Variants in QRSL1 observed in about 807,000 individuals in gnomAD.
QRSL1 encodes glutaminyl-tRNA amidotransferase subunit QRSL1, also known as glutamyl-tRNA(Gln) amidotransferase subunit A, mitochondrial.
A neutral mutation model predicts 61.6 loss-of-function variants in QRSL1; 54 were observed. The ratio of observed to expected loss-of-function variants is 0.88; its 90% CI spans 0.70 to 1.10. QRSL1 has a LOEUF of 1.10. Ranked by LOEUF, QRSL1 falls within the 50% of genes least tolerant of loss-of-function variation. QRSL1 has a pLI of 0.00. For missense variants in QRSL1, 505 were observed against 622.6 expected (o/e 0.81, Z 2.01); for synonymous variants, 228 against 225.7 (o/e 1.01, Z -0.09).
chr6:106,641,871 G>C (rs1314814392), intron 3 of QRSL1, among the ~76,000 whole-genome samples: 1 of 152,126 alleles, frequency 6.6e-6, no homozygotes, highest in Non-Finnish European at 1.5e-5. Context: ...AGAACTAACT[G>C]GTAAAGTCAG....
chr6:106,642,935 T>A, intron 3 of QRSL1, 59 bp from the exon 4 acceptor site: 2 of 1,182,062 alleles, frequency 1.7e-6, no homozygotes, highest in African/African-American at 1.5e-5. Context: ...ATAATAGGTA[T>A]AAACAAATAA....
At position 106,643,054 on chromosome 6, in the gene QRSL1, T is replaced by C. The variant is rs1777047345; in HGVS notation, c.344T>C (p.Leu115Pro). ...VQKLLDQGAL[L>P]MGKTNLDEFA... is the part of the protein sequence containing the mutation. ...AAGTTGTTGGATCAGGGAGCTCTAC[T>C]AATGGGAAAAACAAATTTAGATGAG... is the stretch of plus-strand genomic sequence containing the variant. Residue 115 changes from leucine to proline, a missense_variant, in exon 4 of 11, where the codon CTA becomes CCA. Leu to Pro is a moderately conservative substitution (Grantham distance 98, BLOSUM62 -3). Coordinates refer to ENST00000369046, the MANE Select transcript of QRSL1 (RefSeq NM_018292.5). 1.5e-5 allele frequency: 24 copies of C among 1,613,058 alleles called. No individual in the cohort carries two copies. Among genetic ancestry groups the C allele is most frequent in the Non-Finnish European group, 2.0e-5 (24 of 1,179,434 alleles).
chr6:106,663,049 T>G lies in QRSL1; in HGVS notation c.1230T>G (p.Ala410=). 1 of 1,613,060 alleles carries G rather than the reference T, an allele frequency of 6.2e-7. No individual in the cohort carries two copies. The highest frequency in any genetic ancestry group is 1.3e-5 in the African/African-American group (1 of 75,048). ...RRLIANDFVN[A]FNSGVDVLLT... is the part of the protein sequence containing the mutation. ...TCATTGCTAATGACTTTGTAAATGC[T>G]TTTAACTCTGGAGTAGATGTCTTGC... The change falls in exon 10 of 11, where the codon GCT becomes GCG. Residue 410 remains alanine, a synonymous_variant. Transcript: ENST00000369046.
At chr6:106,645,017 A>G (rs79702953) in intron 4 of QRSL1, among the ~76,000 whole-genome samples, 2,001 of 151,874 alleles carry the variant, frequency 0.013, 57 homozygotes, top group African/African-American at 0.046. Flanking sequence ...TTGTTGAATG[A>G]TCTTAGGTTT....
At chr6:106,652,616 C>T (rs141368884) in intron 7 of QRSL1, 34 bp downstream of exon 7, 14 of 1,613,446 alleles carry the variant, frequency 8.7e-6, no homozygotes, top group African/African-American at 6.7e-5. Flanking sequence ...TACAGAAATA[C>T]TGTCAAGTCC....
Position 106,640,809 on chromosome 6 carries a change from G to T in QRSL1, c.185-14G>T. ...AACTATCTCCTTTATCACTCTTTTG[G>T]CTTTTTAATGCAGGACAGTCACTTG... On this transcript the variant is annotated splice_polypyrimidine_tract_variant and intron_variant, in intron 2 of 10. Transcript: ENST00000369046. The T allele has an allele frequency of 6.3e-7, 1 of 1,597,776 alleles. No homozygotes were observed. The highest frequency in any genetic ancestry group is 1.1e-5 in the South Asian group (1 of 90,086).
intron 1 of QRSL1, among the ~76,000 whole-genome samples, chr6:106,636,893 A>G (rs920508778): frequency 6.6e-6 from 1 of 152,204 alleles, no homozygotes; most frequent in Non-Finnish European, 1.5e-5. Context: ...CTAAGGAGGT[A>G]TATTAGTTGT....
At chr6:106,640,209 A>ACC (rs1200766821) in intron 1 of QRSL1, 140 bp from the exon 2 acceptor site, 2 of 694,748 alleles carry the variant, frequency 2.9e-6, no homozygotes, top group African/African-American at 3.6e-5. Context: ...GTGTAGAGGT[A>ACC]ATAGGTTCTC....
intron 1 of QRSL1, among the ~76,000 whole-genome samples, chr6:106,638,583 C>T (rs976503091): frequency 6.6e-6 from 1 of 152,148 alleles, no homozygotes; most frequent in Non-Finnish European, 1.5e-5. Flanking sequence ...GGATTACAGG[C>T]GCGAACCACT....
intron 1 of QRSL1, among the ~76,000 whole-genome samples, chr6:106,639,111 G>GTGTTTTTTTTT (rs1776967983): frequency 3.3e-5 from 2 of 60,748 alleles, no homozygotes; most frequent in African/African-American, 1.3e-4. Context: ...TTATTTGTGT[G>GTGTTTTTTTTT]TTTTGTTGTT....
chr6:106,652,393 A>G lies in QRSL1; in HGVS notation c.733+9A>G, dbSNP rs779838879. 6.2e-7 allele frequency: 1 copy of G among 1,613,766 alleles called. No individual in the cohort carries two copies. Among genetic ancestry groups the G allele is most frequent in the South Asian group, 1.1e-5 (1 of 91,040 alleles). Reference sequence around the variant, plus strand: ...TGCAGCAATTGTGTTGGGTATTTATATAATTCTATATCATTTGCAACAGCT... The same window carrying G: ...TGCAGCAATTGTGTTGGGTATTTATGTAATTCTATATCATTTGCAACAGCT... On this transcript the variant is annotated intron_variant, in intron 6 of 10. Transcript: ENST00000369046.
At chr6:106,660,310 A>T (rs1182763420) in intron 9 of QRSL1, among the ~76,000 whole-genome samples, 1 of 151,270 alleles carries the variant, frequency 6.6e-6, no homozygotes, top group Non-Finnish European at 1.5e-5. Context: ...AGCTCTTCTC[A>T]GCAACCCTCA....
chr6:106,658,376 G>T (rs1405884391), intron 9 of QRSL1, among the ~76,000 whole-genome samples: 1 of 152,056 alleles, frequency 6.6e-6, no homozygotes, highest in Non-Finnish European at 1.5e-5. Flanking sequence ...AATTTTGAAA[G>T]ATATTTTCTC....
At position 106,666,589 on chromosome 6, in the gene QRSL1, A is replaced by G. The variant is rs1777438205; in HGVS notation, c.*587A>G. The G allele has an allele frequency of 6.5e-6, 1 of 154,304 alleles. No homozygotes were observed. The highest frequency in any genetic ancestry group is 2.0e-4 in the South Asian group (1 of 5,054). The allele number at this position is 154,304 out of a possible 1,614,324, so 9.6% of individuals were successfully genotyped here. A position where few individuals can be genotyped will look rare whatever the true frequency, so the allele number is the denominator to read the frequency against. The stretch of plus-strand genomic sequence containing the variant: ...AATGTTCATTAAAGAGTTTACAGTA[A>G]AAATAAGATTAGGGATAAACTTCTC... On this transcript the variant is annotated 3_prime_UTR_variant, in exon 11 of 11. Coordinates refer to ENST00000369046, the MANE Select transcript of QRSL1 (RefSeq NM_018292.5).
intron 1 of QRSL1, among the ~76,000 whole-genome samples, chr6:106,636,500 T>A (rs1776923324): frequency 6.6e-6 from 1 of 152,094 alleles, no homozygotes; most frequent in Non-Finnish European, 1.5e-5. Context: ...TTTGTATTTT[T>A]AGTAGAGACG....
intron 1 of QRSL1, among the ~76,000 whole-genome samples, chr6:106,635,137 G>C (rs1416984753): frequency 5.3e-5 from 8 of 151,976 alleles, no homozygotes; most frequent in African/African-American, 1.9e-4. Context: ...CCAGAGTGTA[G>C]AAGATAATTA....
Position 106,667,663 on chromosome 6 carries a change from G to A in QRSL1, c.*1661G>A, listed in dbSNP as rs1212697786. On this transcript the variant is annotated 3_prime_UTR_variant, in exon 11 of 11. Transcript: ENST00000369046. Reference sequence around the variant, plus strand: ...TCATAAACAGTTTTCTGTCCTCTCTGAGATCCTCCCGCTCCCAAATACTCA... The same window carrying A: ...TCATAAACAGTTTTCTGTCCTCTCTAAGATCCTCCCGCTCCCAAATACTCA... 3 of 152,042 alleles carry A rather than the reference G, an allele frequency of 2.0e-5. No individual in the cohort carries two copies. The highest frequency in any genetic ancestry group is 4.4e-5 in the Non-Finnish European group (3 of 68,004). 9.4% of individuals were successfully genotyped at this position (152,042 alleles called of 1,614,324 possible).
chr6:106,647,484 G>A (rs918369884), intron 4 of QRSL1, among the ~76,000 whole-genome samples: 5 of 147,982 alleles, frequency 3.4e-5, no homozygotes, highest in Admixed American at 6.7e-5. Context: ...ACTTGAAACC[G>A]GGAGGCGGAG....
Position 106,652,490 on chromosome 6 carries a change from A to T in QRSL1, c.757A>T (p.Arg253Trp). 1 of 1,614,232 alleles carries T rather than the reference A, an allele frequency of 6.2e-7. No individual in the cohort carries two copies. Among genetic ancestry groups the T allele is most frequent in the Non-Finnish European group, 8.5e-7 (1 of 1,180,038 alleles). ...AGGTGCACTGGCCGGACCTGACCCC[A>T]GGGACTCTACCACAGTACATGAACC... Reference protein sequence around the residue: ...VLGALAGPDPRDSTTVHEPIN... With the variant: ...VLGALAGPDPWDSTTVHEPIN... The change falls in exon 7 of 11, where the codon AGG (arginine) becomes TGG (tryptophan). Residue 253 changes from arginine (R) to tryptophan (W), a missense_variant. Physicochemically the swap from Arg to Trp is moderately radical, Grantham distance 101 (BLOSUM62 -3). Transcript: ENST00000369046.
Sources: gnomAD v4.1 joint callset for allele counts (sites outside exome capture counted in the v4.1 genomes callset) on GRCh38, gnomAD v4.1.1 for gene constraint, MANE v1.5 for transcripts, NCBI Gene and HGNC (gene_info 2026-07-23, HGNC 2026-07-21) for gene names.